Variants in SMIM35 observed in about 807,000 individuals in gnomAD.
SMIM35 encodes the protein small integral membrane protein 35, also known as TMPRSS4 antisense RNA 1 (non-protein coding).
chr11:118,081,589 C>T (rs950903704), intron 1 of SMIM35, among the ~76,000 whole-genome samples: 3 of 152,238 alleles, frequency 2.0e-5, no homozygotes, highest in African/African-American at 7.2e-5. Flanking sequence ...GACATGATGG[C>T]CCCTGTCCAG....
At chr11:118,063,233 C>T (rs945788020) in intron 1 of SMIM35, among the ~76,000 whole-genome samples, 8 of 152,082 alleles carry the variant, frequency 5.3e-5, no homozygotes, top group African/African-American at 1.4e-4. Flanking sequence ...CCCTTTGCAC[C>T]GCAGACTTGC....
At chr11:118,077,176 C>A (rs1944722525) in intron 1 of SMIM35, 2 of 1,239,936 alleles carry the variant, frequency 1.6e-6, no homozygotes, top group Non-Finnish European at 1.1e-6. Context: ...CCTCCTCCAG[C>A]CAGTGCTGAC....
intron 1 of SMIM35, among the ~76,000 whole-genome samples, chr11:118,040,740 T>TTA (rs917058882): frequency 2.6e-5 from 4 of 152,214 alleles, no homozygotes; most frequent in African/African-American, 9.6e-5. Context: ...TCATACAAAA[T>TTA]TATATATATG....
At chr11:118,062,808 G>A (rs1157673391) in intron 1 of SMIM35, among the ~76,000 whole-genome samples, 9 of 152,164 alleles carry the variant, frequency 5.9e-5, no homozygotes, top group Admixed American at 5.9e-4. Context: ...AATAGGAGCT[G>A]GGTAAAATAA....
intron 1 of SMIM35, among the ~76,000 whole-genome samples, chr11:118,079,654 G>T (rs973861682): frequency 6.6e-6 from 1 of 152,194 alleles, no homozygotes; most frequent in Non-Finnish European, 1.5e-5. Context: ...TGACGCTTCC[G>T]GCTGCTCTGG....
chr11:118,037,528 C>T (rs1485282757), intron 1 of SMIM35, among the ~76,000 whole-genome samples: 1 of 152,136 alleles, frequency 6.6e-6, no homozygotes, highest in Non-Finnish European at 1.5e-5. Flanking sequence ...TAAATTTCTT[C>T]TCAGTGACGA....
chr11:118,078,078 T>G (rs948931559), intron 1 of SMIM35, among the ~76,000 whole-genome samples: 1 of 141,228 alleles, frequency 7.1e-6, no homozygotes, highest in Non-Finnish European at 1.5e-5. Context: ...CAGAGATGCC[T>G]CCAAACAATC....
At chr11:118,023,050 A>G (rs909493280) in intron 1 of SMIM35, among the ~76,000 whole-genome samples, 2 of 151,858 alleles carry the variant, frequency 1.3e-5, no homozygotes, top group African/African-American at 4.8e-5. Context: ...GCTTCCCAAT[A>G]TATTTATAGG....
chr11:118,073,398 A>G (rs1184287768), intron 1 of SMIM35, among the ~76,000 whole-genome samples: 1 of 152,258 alleles, frequency 6.6e-6, no homozygotes, highest in African/African-American at 2.4e-5. Flanking sequence ...CCAGGCCACT[A>G]GAGCTCAAGC....
rs79590928 is a variant in SMIM35 at position 118,017,253 on chromosome 11, C to T, written c.8-1444G>A. ...GCAACCTTGTTCCCTGCTCCAAAGT[C>T]GAGCCCCGGGAAGGCAATAGAATTC... On this transcript the variant is annotated intron_variant, in intron 1 of 4. Coordinates refer to ENST00000689828, the MANE Select transcript of SMIM35 (RefSeq NM_001394165.1). 1.5e-4 allele frequency among the ~76,000 whole-genome samples: 23 copies of T among 152,290 alleles called. No homozygotes were observed. In the East Asian group the frequency reaches 4.4e-3, roughly 29 times the overall value.
intron 1 of SMIM35, among the ~76,000 whole-genome samples, chr11:118,033,233 A>T (rs1440682827): frequency 1.3e-5 from 2 of 152,230 alleles, no homozygotes; most frequent in Non-Finnish European, 2.9e-5. Flanking sequence ...TCTAGAACAC[A>T]TAGACAGACT....
chr11:118,071,319 C>T (rs1944567988), intron 1 of SMIM35, among the ~76,000 whole-genome samples: 1 of 152,192 alleles, frequency 6.6e-6, no homozygotes, highest in South Asian at 2.1e-4. Flanking sequence ...TGCCTCGATT[C>T]TTTGGTACAG....
At chr11:118,027,904 C>T (rs890008096) in intron 1 of SMIM35, among the ~76,000 whole-genome samples, 16 of 152,210 alleles carry the variant, frequency 1.1e-4, no homozygotes, top group Non-Finnish European at 2.2e-4. Flanking sequence ...CATTAAGATG[C>T]AAGTGTTGCA....
intron 1 of SMIM35, chr11:118,028,918 AGGG>A (rs1385282434): frequency 7.1e-6 from 3 of 419,870 alleles, no homozygotes; most frequent in Non-Finnish European, 9.5e-6. Context: ...GAGGAGGAGG[AGGG>A]GAAAAATAAG....
chr11:118,081,270 G>A (rs1404385899), intron 1 of SMIM35, among the ~76,000 whole-genome samples: 3 of 152,186 alleles, frequency 2.0e-5, no homozygotes, highest in Admixed American at 2.0e-4. Flanking sequence ...TTATCCCAGA[G>A]GGGGATGGGC....
At chr11:118,060,640 G>A (rs1009563189) in intron 1 of SMIM35, among the ~76,000 whole-genome samples, 2 of 152,078 alleles carry the variant, frequency 1.3e-5, no homozygotes, top group African/African-American at 4.8e-5. Flanking sequence ...GGACCCCCGG[G>A]GGTCTGGGAG....
At chr11:118,023,889 G>T (rs971728985) in intron 1 of SMIM35, among the ~76,000 whole-genome samples, 11 of 151,990 alleles carry the variant, frequency 7.2e-5, no homozygotes, top group African/African-American at 1.9e-4. Flanking sequence ...AAAAAAATTA[G>T]CCAGGTGTGG....
intron 4 of SMIM35, among the ~76,000 whole-genome samples, chr11:118,011,113 G>C (rs2058147886): frequency 6.6e-6 from 1 of 152,246 alleles, no homozygotes; most frequent in African/African-American, 2.4e-5. Context: ...GGAGGCTGAG[G>C]GGACAGAGGG....
In SMIM35 at chr11:118,049,459, CT is replaced by C. The variant is rs548748099; in HGVS notation, c.8-33651del. On this transcript the variant is annotated intron_variant, in intron 1 of 4. Coordinates refer to ENST00000689828, the MANE Select transcript of SMIM35 (RefSeq NM_001394165.1). ...CACCTCCTGGGTTCAAGCAATTCTCCTGCCTCAGCCTCCTGAGTAGCTGGGA... is the reference window on the plus strand; with the variant it reads ...CACCTCCTGGGTTCAAGCAATTCTCCGCCTCAGCCTCCTGAGTAGCTGGGA... Among the ~76,000 whole-genome samples, 28 of 148,774 alleles carry C rather than the reference CT, an allele frequency of 1.9e-4. No homozygotes were observed. The South Asian group carries it at 5.7e-3, about 30-fold the overall frequency.
Sources: gnomAD v4.1 joint callset for allele counts (sites outside exome capture counted in the v4.1 genomes callset) on GRCh38, gnomAD v4.1.1 for gene constraint, MANE v1.5 for transcripts, NCBI Gene and HGNC (gene_info 2026-07-23, HGNC 2026-07-21) for gene names.